TACR1: variants seen among roughly 807,000 people sequenced by gnomAD.
TACR1 encodes the protein tachykinin receptor 1, also known as substance-P receptor.
Under a neutral mutation model 35.8 loss-of-function variants are expected in TACR1, and 25 were observed. That is an observed-to-expected ratio of 0.70 (90% CI 0.51 to 0.98). The LOEUF (loss-of-function observed/expected upper bound fraction) is 0.98, where lower values mean the gene tolerates loss of function less well. TACR1 is among the 50% of genes least tolerant of loss of function. The pLI is 0.00. For missense variants in TACR1, 478 were observed against 522.9 expected (o/e 0.91, Z 0.84); for synonymous variants, 195 against 206.7 (o/e 0.94, Z 0.48).
chr2:75,142,320 T>A (rs73935570), intron 1 of TACR1, among the ~76,000 whole-genome samples: 12,599 of 152,220 alleles, frequency 0.083, 1,106 homozygotes, highest in African/African-American at 0.22. Context: ...GAAGGTTGTT[T>A]CACAATAGCC....
At chr2:75,123,565 G>A (rs554997631) in intron 1 of TACR1, among the ~76,000 whole-genome samples, 1 of 152,190 alleles carries the variant, frequency 6.6e-6, no homozygotes, top group African/African-American at 2.4e-5. Context: ...TTTAGTGTAG[G>A]AGCCATTTTA....
intron 4 of TACR1, 23 bp downstream of exon 4, chr2:75,051,228 G>C: frequency 1.2e-6 from 2 of 1,614,070 alleles, no homozygotes; most frequent in Non-Finnish European, 1.7e-6. Context: ...CCCCTGGAGA[G>C]CTCATGGGGT....
intron 2 of TACR1, among the ~76,000 whole-genome samples, chr2:75,114,237 TCTTA>T (rs1276010455): frequency 2.6e-5 from 4 of 152,222 alleles, no homozygotes; most frequent in Non-Finnish European, 4.4e-5. Flanking sequence ...AATAGGAATG[TCTTA>T]CTTCTTGCTA....
intron 1 of TACR1, among the ~76,000 whole-genome samples, chr2:75,122,590 G>A (rs1383341683): frequency 6.6e-6 from 1 of 152,150 alleles, no homozygotes. Flanking sequence ...TAGAAAGTGG[G>A]TAGGTGGTCT....
intron 1 of TACR1, among the ~76,000 whole-genome samples, chr2:75,170,010 T>C (rs1487909100): frequency 6.6e-6 from 1 of 152,226 alleles, no homozygotes; most frequent in Non-Finnish European, 1.5e-5. Flanking sequence ...TTCCTTTCTC[T>C]TAGCCAGACC....
At chr2:75,070,962 A>AG (rs1444836832) in intron 2 of TACR1, among the ~76,000 whole-genome samples, 1 of 152,032 alleles carries the variant, frequency 6.6e-6, no homozygotes, top group African/African-American at 2.4e-5. Flanking sequence ...TTAAATGACC[A>AG]GGGAAAAAAA....
chr2:75,101,976 AAAAAT>A (rs1302099567), intron 2 of TACR1, among the ~76,000 whole-genome samples: 11 of 152,144 alleles, frequency 7.2e-5, no homozygotes, highest in African/African-American at 2.7e-4. Flanking sequence ...ATAAAAAAAT[AAAAAT>A]AAAGACATGC....
At chr2:75,068,922 T>C (rs1225494468) in intron 2 of TACR1, among the ~76,000 whole-genome samples, 1 of 152,202 alleles carries the variant, frequency 6.6e-6, no homozygotes, top group Non-Finnish European at 1.5e-5. Flanking sequence ...TAAAATTATA[T>C]GTACATGATA....
At chr2:75,139,218 T>C (rs1264938302) in intron 1 of TACR1, among the ~76,000 whole-genome samples, 2 of 152,220 alleles carry the variant, frequency 1.3e-5, no homozygotes, top group Non-Finnish European at 2.9e-5. Flanking sequence ...TCATTTCTTA[T>C]GAACTGCTCC....
intron 1 of TACR1, among the ~76,000 whole-genome samples, chr2:75,181,532 T>C (rs1312480037): frequency 6.6e-6 from 1 of 152,216 alleles, no homozygotes; most frequent in Admixed American, 6.5e-5. Context: ...TATGGTCATG[T>C]CACTCATTCA....
In TACR1 at chr2:75,143,949, G is replaced by C. The variant is rs186938126; in HGVS notation, c.390-23181C>G. Among the ~76,000 whole-genome samples the C allele has an allele frequency of 5.3e-5, 8 of 152,300 alleles. No homozygotes were observed. The East Asian group carries it at 1.2e-3, about 22-fold the overall frequency. ...AGTGTAACCTCCCTAACTTCCAAGCGTGTAGAGGGAATATTCTAATGCTGG... is the reference window on the plus strand; with the variant it reads ...AGTGTAACCTCCCTAACTTCCAAGCCTGTAGAGGGAATATTCTAATGCTGG... On this transcript the variant is annotated intron_variant, in intron 1 of 4. Transcript: ENST00000305249.
chr2:75,157,951 C>A (rs2103984907), intron 1 of TACR1, among the ~76,000 whole-genome samples: 1 of 152,340 alleles, frequency 6.6e-6, no homozygotes, highest in South Asian at 2.1e-4. Context: ...TAGTTTAGAG[C>A]CTGTTTCTCA....
intron 1 of TACR1, among the ~76,000 whole-genome samples, chr2:75,193,800 C>A (rs1414729566): frequency 6.6e-6 from 1 of 152,176 alleles, no homozygotes; most frequent in African/African-American, 2.4e-5. Flanking sequence ...TCTGTACAAC[C>A]CATATGAAAC....
chr2:75,095,377 C>T (rs1673402308), intron 2 of TACR1, among the ~76,000 whole-genome samples: 1 of 152,148 alleles, frequency 6.6e-6, no homozygotes, highest in Middle Eastern at 3.2e-3. Context: ...GCTCTCTTTC[C>T]ACAGCCTCCA....
intron 2 of TACR1, among the ~76,000 whole-genome samples, chr2:75,070,347 A>G (rs1373945256): frequency 2.0e-5 from 3 of 151,978 alleles, no homozygotes; most frequent in African/African-American, 7.3e-5. Flanking sequence ...AGAATCAGCC[A>G]TTACTCTAAG....
intron 1 of TACR1, among the ~76,000 whole-genome samples, chr2:75,197,183 A>G (rs1676014037): frequency 6.6e-6 from 1 of 152,246 alleles, no homozygotes; most frequent in Non-Finnish European, 1.5e-5. Context: ...AAAACATAGT[A>G]AGCACATAGG....
intron 1 of TACR1, among the ~76,000 whole-genome samples, chr2:75,186,504 G>A (rs1031300999): frequency 2.6e-5 from 4 of 151,124 alleles, no homozygotes; most frequent in Non-Finnish European, 5.9e-5. Flanking sequence ...TTTTTTGTAA[G>A]TTGCTAATTC....
chr2:75,136,358 C>T (rs1432235566), intron 1 of TACR1, among the ~76,000 whole-genome samples: 2 of 152,198 alleles, frequency 1.3e-5, no homozygotes, highest in Non-Finnish European at 1.5e-5. Context: ...AGTGTATTAA[C>T]AAAAACAAAA....
At chr2:75,110,403 T>C (rs1174811206) in intron 2 of TACR1, among the ~76,000 whole-genome samples, 1 of 152,056 alleles carries the variant, frequency 6.6e-6, no homozygotes, top group Non-Finnish European at 1.5e-5. Context: ...TATAGATAAA[T>C]TATTTTAAAT....
Sources: allele counts gnomAD v4.1 joint callset (sites outside exome capture counted in the v4.1 genomes callset), GRCh38; gene constraint gnomAD v4.1.1; transcripts MANE v1.5; gene names NCBI Gene and HGNC (gene_info 2026-07-23, HGNC 2026-07-21).